Variants in FLT4 observed in about 807,000 individuals in gnomAD.
FLT4 encodes the protein fms related receptor tyrosine kinase 4, also known as vascular endothelial growth factor receptor 3.
A neutral mutation model predicts 163.2 loss-of-function variants in FLT4; 30 were observed. The observed-to-expected ratio is 0.18, with a 90% CI of 0.14 to 0.25. The LOEUF (loss-of-function observed/expected upper bound fraction) is 0.25. Ranked by LOEUF, FLT4 falls within the 10% of genes least tolerant of loss-of-function variation. The pLI, the probability that FLT4 is intolerant of heterozygous loss-of-function variation, is 1.00. For missense variants in FLT4, 1,510 were observed against 1,863.8 expected (o/e 0.81, Z 3.50); for synonymous variants, 884 against 789.5 (o/e 1.12, Z -2.01).
rs1364723390 is a variant in FLT4, at chr5:180,649,493, A to G, written c.53T>C (p.Leu18Pro). Reference sequence around the variant, plus strand: ...GGCCCGTTCGCCGCGCTCACCGTCCAGGAGTCCCAGGCAGAGCCACAGTCG... The same window carrying G: ...GGCCCGTTCGCCGCGCTCACCGTCCGGGAGTCCCAGGCAGAGCCACAGTCG... ...CLRLWLCLGLLDGLVSGYSMT... is the reference protein window; with the variant it reads ...CLRLWLCLGLPDGLVSGYSMT... Residue 18 changes from leucine (L) to proline (P), a missense_variant, in exon 1 of 30, where the codon CTG becomes CCG. Physicochemically the swap from Leu to Pro is moderately conservative, Grantham distance 98 (BLOSUM62 -3). This residue lies in a region of FLT4 where 157 missense variants were observed against 178.7 expected (regional missense o/e 0.88). Transcript: ENST00000261937. 1.4e-6 allele frequency: 2 copies of G among 1,461,278 alleles called. No homozygotes were observed. The highest frequency in any genetic ancestry group is 2.3e-5 in the Admixed American group (1 of 42,930). 90.5% of individuals were successfully genotyped at this position (1,461,278 alleles called of 1,614,324 possible). A position where few individuals can be genotyped will look rare whatever the true frequency, so the allele number is the denominator to read the frequency against.
At chr5:180,648,988 G>A (rs1316765766) in intron 1 of FLT4, among the ~76,000 whole-genome samples, 5 of 152,182 alleles carry the variant, frequency 3.3e-5, no homozygotes, top group African/African-American at 1.2e-4. Flanking sequence ...ACGGGGAGGG[G>A]GAAGCCCGCC....
At position 180,619,128 on chromosome 5, in the gene FLT4, G is replaced by A. The variant is rs2127807830; in HGVS notation, c.2762-19C>T. 1 of 1,480,714 alleles carries A rather than the reference G, an allele frequency of 6.8e-7. No individual in the cohort carries two copies. The highest frequency in any genetic ancestry group is 9.0e-7 in the Non-Finnish European group (1 of 1,114,026). 91.7% of individuals were successfully genotyped at this position (1,480,714 alleles called of 1,614,324 possible). A position where few individuals can be genotyped will look rare whatever the true frequency, so the allele number is the denominator to read the frequency against. On this transcript the variant is annotated intron_variant, in intron 19 of 29. Coordinates refer to ENST00000261937, the MANE Select transcript of FLT4 (RefSeq NM_182925.5). ...AGGGGGCCTGCGGCGGGACCGGGCG[G>A]CGGCCGTGCGTTCGGAACCCGGGGC... is the stretch of plus-strand genomic sequence containing the variant.
chr5:180,610,772 C>T (rs555184385), intron 27 of FLT4, among the ~76,000 whole-genome samples: 1 of 151,230 alleles, frequency 6.6e-6, no homozygotes, highest in Admixed American at 6.6e-5. Flanking sequence ...AGAAAAAGTA[C>T]GCTTGCCGGG....
At chr5:180,643,131 A>G (rs1765247260) in intron 1 of FLT4, among the ~76,000 whole-genome samples, 1 of 152,230 alleles carries the variant, frequency 6.6e-6, no homozygotes, top group African/African-American at 2.4e-5. Flanking sequence ...AAATGTAATC[A>G]TCTCTTCCAT....
chr5:180,607,686 A>G (rs1761878216), intron 29 of FLT4, among the ~76,000 whole-genome samples: 1 of 151,770 alleles, frequency 6.6e-6, no homozygotes, highest in Non-Finnish European at 1.5e-5. Flanking sequence ...AAATAAAGAA[A>G]ATAGAATAAG....
At chr5:180,619,216 G>T in intron 19 of FLT4, 37 bp downstream of exon 19, 1 of 1,499,606 alleles carries the variant, frequency 6.7e-7, no homozygotes, top group Non-Finnish European at 8.9e-7. Flanking sequence ...CCCCGCGCCC[G>T]GGGTCTCGCC....
In FLT4 at chr5:180,625,999, A is replaced by C. The variant is rs370814810; in HGVS notation, c.1291T>G (p.Ser431Ala). The C allele has an allele frequency of 3.1e-6, 5 of 1,612,372 alleles. No homozygotes were observed. Among genetic ancestry groups the C allele is most frequent in the African/African-American group, 1.3e-5 (1 of 74,832 alleles). ...CTGTGACGCGAGTAGATGCTGGGGG[A>C]GGAGGCCTCCTTCTCATGTATCTGG... is the stretch of plus-strand genomic sequence containing the variant. ...PPQIHEKEAS[S>A]PSIYSRHSRQ... Residue 431 changes from serine (S) to alanine (A), a missense_variant, in exon 10 of 30, where the codon TCC becomes GCC. This residue lies in a region of FLT4 where 878 missense variants were observed against 1,016.7 expected (regional missense o/e 0.86). Transcript: ENST00000261937.
rs751478636 is a variant in FLT4 at position 180,619,445 on chromosome 5, G to C, written c.2648-79C>G. ...CCGCCACCCGGCGCTTTTGGGAGGGGGAGGGTTACTAAGGGCCCCCAGGAC... is the reference window on the plus strand; with the variant it reads ...CCGCCACCCGGCGCTTTTGGGAGGGCGAGGGTTACTAAGGGCCCCCAGGAC... On this transcript the variant is annotated intron_variant, in intron 18 of 29. Coordinates refer to ENST00000261937, the MANE Select transcript of FLT4 (RefSeq NM_182925.5). 3.9e-6 allele frequency: 4 copies of C among 1,028,064 alleles called. No individual in the cohort carries two copies. In the East Asian group the frequency reaches 1.0e-4, roughly 26 times the overall value. The allele number at this position is 1,028,064 out of a possible 1,614,324, so 63.7% of individuals were successfully genotyped here.
chr5:180,606,695 G>A (rs943061274), intron 29 of FLT4, among the ~76,000 whole-genome samples: 5 of 152,110 alleles, frequency 3.3e-5, no homozygotes, highest in Admixed American at 1.3e-4. Context: ...GTTTGGTGAC[G>A]AAAAATTAGC....
At chr5:180,631,452 G>A (rs573525215) in intron 2 of FLT4, among the ~76,000 whole-genome samples, 23 of 151,988 alleles carry the variant, frequency 1.5e-4, no homozygotes, top group Middle Eastern at 3.4e-3. Context: ...CAGCCTGGGT[G>A]ACAGAGTGAG....
At position 180,602,527 on chromosome 5, in the gene FLT4, C is replaced by T. The variant is rs1761566774; in HGVS notation, c.*665G>A. On this transcript the variant is annotated 3_prime_UTR_variant, in exon 30 of 30. Coordinates refer to ENST00000261937, the MANE Select transcript of FLT4 (RefSeq NM_182925.5). Reference sequence around the variant, plus strand: ...CTGTTGAAAAAGACTTGCAGGATGGCTCTCAACACCCAGGCGCAGGTGTGC... The same window carrying T: ...CTGTTGAAAAAGACTTGCAGGATGGTTCTCAACACCCAGGCGCAGGTGTGC... The T allele has an allele frequency of 7.5e-6, 3 of 399,326 alleles. No homozygotes were observed. Among genetic ancestry groups the T allele is most frequent in the Middle Eastern group, 6.3e-4 (1 of 1,588 alleles). 24.7% of individuals were successfully genotyped at this position (399,326 alleles called of 1,614,324 possible). A position where few individuals can be genotyped will look rare whatever the true frequency, so the allele number is the denominator to read the frequency against.
In FLT4 at chr5:180,607,982, A is replaced by G. The variant is rs1028851713; in HGVS notation, c.3893+986T>C. ...CACCTGTTACTCAGCAGACCATGAA[A>G]GGGCGTCTCCCTTTCCTTGGAGGAG... is the stretch of plus-strand genomic sequence containing the variant. On this transcript the variant is annotated intron_variant, in intron 29 of 29. Transcript: ENST00000261937. 8 of 642,582 alleles carry G rather than the reference A, an allele frequency of 1.2e-5. No individual in the cohort carries two copies. In the African/African-American group the frequency reaches 1.5e-4, roughly 12 times the overall value. 39.8% of individuals were successfully genotyped at this position (642,582 alleles called of 1,614,324 possible).
At chr5:180,605,073 A>C (rs1581600365) in intron 29 of FLT4, among the ~76,000 whole-genome samples, 1 of 152,104 alleles carries the variant, frequency 6.6e-6, no homozygotes, top group Non-Finnish European at 1.5e-5. Flanking sequence ...CAACTCTCCC[A>C]CCTCAGCCTG....
At chr5:180,603,575 G>A (rs1392095996) in intron 29 of FLT4, among the ~76,000 whole-genome samples, 185 bp from the exon 30 acceptor site, 1 of 152,188 alleles carries the variant, frequency 6.6e-6, no homozygotes, top group Non-Finnish European at 1.5e-5. Flanking sequence ...AGCCAGGCAT[G>A]GTGGTGCACG....
In FLT4 at chr5:180,619,123, G is replaced by C. The variant is rs781035138; in HGVS notation, c.2762-14C>G. 67 of 1,489,556 alleles carry C rather than the reference G, an allele frequency of 4.5e-5. No homozygotes were observed. Among genetic ancestry groups the C allele is most frequent in the Non-Finnish European group, 8.0e-6 (9 of 1,119,166 alleles). 92.3% of individuals were successfully genotyped at this position (1,489,556 alleles called of 1,614,324 possible). ...CCATGAGGGGGCCTGCGGCGGGACC[G>C]GGCGGCGGCCGTGCGTTCGGAACCC... On this transcript the variant is annotated splice_polypyrimidine_tract_variant and intron_variant, in intron 19 of 29. Coordinates refer to ENST00000261937, the MANE Select transcript of FLT4 (RefSeq NM_182925.5).
intron 22 of FLT4, 151 bp from the exon 23 acceptor site, chr5:180,616,640 A>ATGATGAGTCCT: frequency 1.1e-6 from 1 of 896,196 alleles, no homozygotes; most frequent in Non-Finnish European, 1.7e-6. Context: ...ATCCATCTCC[A>ATGATGAGTCCT]GGACTCATCA....
Position 180,603,081 on chromosome 5 carries a change from C to T in FLT4, c.*111G>A, listed in dbSNP as rs1761596186. 3 of 1,052,704 alleles carry T rather than the reference C, an allele frequency of 2.8e-6. No individual in the cohort carries two copies. The highest frequency in any genetic ancestry group is 2.9e-6 in the Non-Finnish European group (2 of 690,244). The allele number at this position is 1,052,704 out of a possible 1,614,324, so 65.2% of individuals were successfully genotyped here. A position where few individuals can be genotyped will look rare whatever the true frequency, so the allele number is the denominator to read the frequency against. On this transcript the variant is annotated 3_prime_UTR_variant, in exon 30 of 30. Coordinates refer to ENST00000261937, the MANE Select transcript of FLT4 (RefSeq NM_182925.5). ...AAGTCTGCAGAGAGGGAAGAGGACA[C>T]TCCTGTGCCACCAGAGTTCAACCAG...
chr5:180,613,712 T>G (rs1168477420), intron 24 of FLT4: 1 of 396,492 alleles, frequency 2.5e-6, no homozygotes, highest in Non-Finnish European at 4.8e-6. Context: ...GACTTCATCA[T>G]GCTCGCAGCG....
At position 180,629,844 on chromosome 5, in the gene FLT4, A is replaced by C; in HGVS notation, c.677-9T>G. 1 of 1,612,570 alleles carries C rather than the reference A, an allele frequency of 6.2e-7. No homozygotes were observed. The highest frequency in any genetic ancestry group is 8.5e-7 in the Non-Finnish European group (1 of 1,179,894). ...GTCATAGAGCTCGTTGCCTGTTGAC[A>C]CGCACACAGTGACTCCCACGCCCTC... On this transcript the variant is annotated splice_polypyrimidine_tract_variant and intron_variant, in intron 5 of 29. Transcript: ENST00000261937.
Sources: allele counts gnomAD v4.1 joint callset (sites outside exome capture counted in the v4.1 genomes callset), GRCh38; gene constraint gnomAD v4.1.1; regional missense constraint gnomAD v4.1.1; transcripts MANE v1.5; gene names NCBI Gene and HGNC (gene_info 2026-07-23, HGNC 2026-07-21).